The following ZDHHC17 variants were observed in gnomAD, a reference collection of about 807,000 sequenced individuals.
ZDHHC17 encodes the protein zDHHC palmitoyltransferase 17.
ZDHHC17 carries 40 observed loss-of-function variants against 90.3 expected under a neutral mutation model. The observed-to-expected ratio is 0.44, with a 90% CI of 0.34 to 0.58. The LOEUF (loss-of-function observed/expected upper bound fraction) is 0.58, where lower values mean the gene tolerates loss of function less well. Among genes scored for constraint, ZDHHC17 ranks in the 20% least tolerant of loss-of-function variants. The pLI is 0.01. For synonymous variants in ZDHHC17, 235 were observed against 252.4 expected, an observed-to-expected ratio of 0.93 and a Z score of 0.65; for missense variants, 614 against 780.8, an observed-to-expected ratio of 0.79 and a Z score of 2.55.
At chr12:76,797,941 CCACACACACACACACACACACA>C (rs60610921) in intron 2 of ZDHHC17, among the ~76,000 whole-genome samples, 2 of 147,476 alleles carry the variant, frequency 1.4e-5, no homozygotes, top group East Asian at 2.0e-4. Flanking sequence ...TGAAACTCTG[CCACACACACACACACACACACA>C]CACACACACA....
rs1952402428 is a variant in ZDHHC17 at position 76,764,337 on chromosome 12, A to C, written c.93+8A>C. ...CCCCTTCTCCACCCAGAGGTGAGGA[A>C]CCGTGCTGAGTGGATTCCTTGCCCT... On this transcript the variant is annotated splice_region_variant and intron_variant, in intron 1 of 16. Transcript: ENST00000426126. 6.3e-7 allele frequency: 1 copy of C among 1,589,108 alleles called. No individual in the cohort carries two copies. Among genetic ancestry groups the C allele is most frequent in the Non-Finnish European group, 8.6e-7 (1 of 1,166,770 alleles).
chr12:76,768,854 T>A (rs1379883984), intron 1 of ZDHHC17, among the ~76,000 whole-genome samples: 1 of 152,200 alleles, frequency 6.6e-6, no homozygotes, highest in Non-Finnish European at 1.5e-5. Context: ...AGGGCTTTCA[T>A]CTCTTTCTTT....
chr12:76,782,971 G>A (rs1952643957), intron 1 of ZDHHC17, among the ~76,000 whole-genome samples: 1 of 152,050 alleles, frequency 6.6e-6, no homozygotes, highest in Non-Finnish European at 1.5e-5. Context: ...GCCTGACTTA[G>A]GTCTGATTGA....
At chr12:76,784,134 A>G (rs181025395) in intron 1 of ZDHHC17, among the ~76,000 whole-genome samples, 55 of 152,368 alleles carry the variant, frequency 3.6e-4, no homozygotes, top group Admixed American at 9.1e-4. Context: ...ATATACCACC[A>G]CACAACATAT....
chr12:76,845,161 G>A (rs1433878083), intron 12 of ZDHHC17: 1 of 152,082 alleles, frequency 6.6e-6, no homozygotes, highest in Non-Finnish European at 1.5e-5. Flanking sequence ...GCACTTTACT[G>A]AAGAGAAATA....
intron 12 of ZDHHC17, chr12:76,845,412 CAT>C (rs1953483213): frequency 5.9e-6 from 1 of 168,694 alleles, no homozygotes; most frequent in Non-Finnish European, 1.3e-5. Flanking sequence ...GTGAATTAAA[CAT>C]AGCATCATTC....
At chr12:76,819,192 GA>G (rs1258675495) in intron 7 of ZDHHC17, among the ~76,000 whole-genome samples, 1 of 152,196 alleles carries the variant, frequency 6.6e-6, no homozygotes, top group Non-Finnish European at 1.5e-5. Context: ...TTTTTGGGAT[GA>G]AGGTGATAGG....
Position 76,797,433 on chromosome 12 carries a change from G to A in ZDHHC17, c.94-1G>A. ...CCTGTGTGTGATTTTCTTTTTAACA[G>A]GAAATCAAACCCCAAAGCCATTATA... On this transcript the variant is annotated splice_acceptor_variant, in intron 1 of 16. Coordinates refer to ENST00000426126, the MANE Select transcript of ZDHHC17 (RefSeq NM_015336.4). LOFTEE classifies it high-confidence loss of function. The A allele has an allele frequency of 1.3e-6, 2 of 1,588,608 alleles. No homozygotes were observed. The highest frequency in any genetic ancestry group is 2.3e-5 in the East Asian group (1 of 44,234).
At chr12:76,771,365 G>T (rs1320216927) in intron 1 of ZDHHC17, among the ~76,000 whole-genome samples, 1 of 152,108 alleles carries the variant, frequency 6.6e-6, no homozygotes, top group Admixed American at 6.5e-5. Context: ...TTCAATTCCT[G>T]TTGCAAATTT....
At chr12:76,808,528 A>G (rs1001985317) in intron 3 of ZDHHC17, among the ~76,000 whole-genome samples, 5 of 152,174 alleles carry the variant, frequency 3.3e-5, no homozygotes, top group African/African-American at 1.2e-4. Flanking sequence ...TTACTAATCT[A>G]ATACTAAAGT....
chr12:76,769,686 A>G (rs1370048818), intron 1 of ZDHHC17, among the ~76,000 whole-genome samples: 1 of 152,144 alleles, frequency 6.6e-6, no homozygotes, highest in Non-Finnish European at 1.5e-5. Flanking sequence ...TATTAAGCTT[A>G]GTAACTACTA....
intron 1 of ZDHHC17, among the ~76,000 whole-genome samples, chr12:76,767,444 C>T (rs977517260): frequency 2.6e-5 from 4 of 152,186 alleles, no homozygotes; most frequent in Non-Finnish European, 2.9e-5. Flanking sequence ...ATTAGATAAA[C>T]GCCTTTTTAG....
intron 1 of ZDHHC17, chr12:76,764,917 T>A: frequency 6.6e-6 from 3 of 453,262 alleles, no homozygotes; most frequent in Admixed American, 4.7e-5. Flanking sequence ...GGGAATAGAC[T>A]TACACTCACA....
At chr12:76,790,328 C>T (rs1396249832) in intron 1 of ZDHHC17, among the ~76,000 whole-genome samples, 1 of 151,970 alleles carries the variant, frequency 6.6e-6, no homozygotes, top group African/African-American at 2.4e-5. Context: ...ATGGTGAAAC[C>T]CCGTCTCTAC....
At chr12:76,805,480 TTTATGG>T (rs755237490) in intron 3 of ZDHHC17, 41 bp downstream of exon 3, 1,408 of 1,182,478 alleles carry the variant, frequency 1.2e-3, no homozygotes, top group Non-Finnish European at 1.5e-3. Context: ...AACTTGACTT[TTTATGG>T]TTATAAAATT....
At chr12:76,841,288 T>G (rs181743521) in intron 10 of ZDHHC17, among the ~76,000 whole-genome samples, 1 of 152,202 alleles carries the variant, frequency 6.6e-6, no homozygotes, top group Non-Finnish European at 1.5e-5. Flanking sequence ...AAAAGTCTTA[T>G]GAAATTCTTG....
chr12:76,769,986 T>C (rs1592454936), intron 1 of ZDHHC17, among the ~76,000 whole-genome samples: 1 of 151,920 alleles, frequency 6.6e-6, no homozygotes, highest in East Asian at 1.9e-4. Context: ...GATATAAGAG[T>C]ATATAGGTTA....
intron 10 of ZDHHC17, among the ~76,000 whole-genome samples, chr12:76,829,853 T>C (rs959309149): frequency 8.5e-5 from 13 of 152,144 alleles, no homozygotes; most frequent in Non-Finnish European, 1.8e-4. Flanking sequence ...AAAATTTTAA[T>C]TTTTTTAACC....
At chr12:76,848,142 CTA>C in intron 14 of ZDHHC17, 89 bp from the exon 15 acceptor site, 1 of 1,355,424 alleles carries the variant, frequency 7.4e-7, no homozygotes, top group Non-Finnish European at 1.0e-6. Context: ...GACTGTTTGA[CTA>C]TGTTTTCTAA....
Sources: allele counts gnomAD v4.1 joint callset (sites outside exome capture counted in the v4.1 genomes callset), GRCh38; gene constraint gnomAD v4.1.1; transcripts MANE v1.5; gene names NCBI Gene and HGNC (gene_info 2026-07-23, HGNC 2026-07-21).